The following METTL16 variants were observed in gnomAD, a reference collection of about 807,000 sequenced individuals.
The protein encoded by METTL16 is RNA N(6)-adenosine-methyltransferase METTL16.
A neutral mutation model predicts 57.9 loss-of-function variants in METTL16; 19 were observed. That is an observed-to-expected ratio of 0.33 (90% CI 0.23 to 0.48). METTL16 has a LOEUF of 0.48. Ranked by LOEUF, METTL16 falls within the 20% of genes least tolerant of loss-of-function variation. The pLI is 0.99. For synonymous variants in METTL16, 246 were observed against 255.6 expected, an observed-to-expected ratio of 0.96 and a Z score of 0.36; for missense variants, 434 against 691.5, an observed-to-expected ratio of 0.63 and a Z score of 4.18.
At chr17:2,458,910 G>A (rs1311080715) in intron 6 of METTL16, among the ~76,000 whole-genome samples, 4 of 151,720 alleles carry the variant, frequency 2.6e-5, no homozygotes, top group African/African-American at 4.8e-5. Flanking sequence ...GGGCTCAAGC[G>A]ATCCTCCTAC....
At chr17:2,433,232 G>A (rs1286687324) in intron 8 of METTL16, among the ~76,000 whole-genome samples, 1 of 152,236 alleles carries the variant, frequency 6.6e-6, no homozygotes, top group African/African-American at 2.4e-5. Context: ...AACAGGGTAT[G>A]AGCAAAGGCT....
intron 3 of METTL16, among the ~76,000 whole-genome samples, chr17:2,476,314 T>C (rs1011448522): frequency 6.6e-6 from 1 of 152,206 alleles, no homozygotes; most frequent in African/African-American, 2.4e-5. Context: ...ATATGTGATT[T>C]ATTTGCATGG....
chr17:2,447,887 C>T (rs1176096744), intron 6 of METTL16, among the ~76,000 whole-genome samples: 1 of 89,044 alleles, frequency 1.1e-5, no homozygotes, highest in Non-Finnish European at 2.0e-5. Context: ...GCCGCCCCGT[C>T]CGGGAGGGAG....
intron 6 of METTL16, among the ~76,000 whole-genome samples, chr17:2,458,420 A>G (rs901192836): frequency 3.8e-5 from 4 of 106,544 alleles, no homozygotes; most frequent in African/African-American, 2.7e-4. Flanking sequence ...AAAAAAAAAA[A>G]AAATTCAGGG....
chr17:2,439,604 T>G (rs1408959830), intron 7 of METTL16, among the ~76,000 whole-genome samples: 1 of 151,918 alleles, frequency 6.6e-6, no homozygotes, highest in Non-Finnish European at 1.5e-5. Flanking sequence ...AAGGAGTGAG[T>G]TGAACTTGTC....
intron 6 of METTL16, among the ~76,000 whole-genome samples, chr17:2,457,204 G>C (rs1247278548): frequency 1.3e-5 from 2 of 151,394 alleles, no homozygotes; most frequent in Non-Finnish European, 2.9e-5. Context: ...TGGGCGTGGT[G>C]ACGGGCGCCT....
intron 2 of METTL16, among the ~76,000 whole-genome samples, chr17:2,497,790 G>C (rs757035334): frequency 1.3e-5 from 2 of 151,476 alleles, no homozygotes; most frequent in Non-Finnish European, 2.9e-5. Context: ...GCAGTGGCGC[G>C]ATCATGGTTC....
chr17:2,431,995 A>G (rs534236072), intron 8 of METTL16, among the ~76,000 whole-genome samples: 1 of 151,542 alleles, frequency 6.6e-6, no homozygotes, highest in Non-Finnish European at 1.5e-5. Flanking sequence ...CCCAGGCTGG[A>G]GTGCAGTGGC....
intron 8 of METTL16, among the ~76,000 whole-genome samples, chr17:2,426,748 A>T (rs1323911528): frequency 5.3e-5 from 8 of 151,490 alleles, no homozygotes; most frequent in African/African-American, 1.9e-4. Context: ...AAAAAAAAAA[A>T]AAAAGTAAAA....
chr17:2,448,757 TAAAA>T (rs1163249734), intron 6 of METTL16, among the ~76,000 whole-genome samples: 8 of 32,848 alleles, frequency 2.4e-4, no homozygotes, highest in African/African-American at 8.5e-4. Flanking sequence ...AAAAATAAAA[TAAAA>T]AAAATAAAAA....
At chr17:2,477,399 A>T (rs993086438) in intron 3 of METTL16, 10 of 291,500 alleles carry the variant, frequency 3.4e-5, no homozygotes, top group East Asian at 6.9e-5. Flanking sequence ...TTGGATTTCA[A>T]TTTTTTTTTC....
intron 8 of METTL16, among the ~76,000 whole-genome samples, chr17:2,422,482 C>T (rs1455894513): frequency 2.0e-5 from 3 of 151,932 alleles, no homozygotes; most frequent in Admixed American, 6.5e-5. Flanking sequence ...CGGTTTCAAG[C>T]GATTCTCCTG....
chr17:2,419,967 T>C lies in METTL16; in HGVS notation c.*3A>G, dbSNP rs746412680. The stretch of plus-strand genomic sequence containing the variant: ...AACACGTTTCCAACTGTGCAGGAGG[T>C]TTCTAGTTAACTGCAACAAGCCTGA... On this transcript the variant is annotated 3_prime_UTR_variant, in exon 10 of 10. Coordinates refer to ENST00000263092, the MANE Select transcript of METTL16 (RefSeq NM_024086.4). The C allele has an allele frequency of 6.2e-7, 1 of 1,613,526 alleles. No individual in the cohort carries two copies. The highest frequency in any genetic ancestry group is 1.1e-5 in the South Asian group (1 of 91,026).
chr17:2,451,004 CTA>C (rs2067064809), intron 6 of METTL16, among the ~76,000 whole-genome samples: 1 of 152,072 alleles, frequency 6.6e-6, no homozygotes, highest in African/African-American at 2.4e-5. Context: ...AGGTCAAAAA[CTA>C]TTGAAGACTG....
chr17:2,491,845 A>C lies in METTL16; in HGVS notation c.128+10359T>G, dbSNP rs1316992335. Among the ~76,000 whole-genome samples, 9 of 140,766 alleles carry C rather than the reference A, an allele frequency of 6.4e-5. No homozygotes were observed. In the East Asian group the frequency reaches 1.8e-3, roughly 29 times the overall value. The allele number at this position is 140,766 out of a possible 152,430, so 92.3% of individuals were successfully genotyped here. ...AGCCGAGATCGCGCCACTGCACTCC[A>C]GCCTGGGCGACAGAGCGAGACACCG... On this transcript the variant is annotated intron_variant, in intron 2 of 9. Transcript: ENST00000263092.
intron 2 of METTL16, among the ~76,000 whole-genome samples, chr17:2,497,187 G>C (rs1175161613): frequency 6.6e-6 from 1 of 150,900 alleles, no homozygotes; most frequent in Non-Finnish European, 1.5e-5. Context: ...TGTATTTTTA[G>C]TAGAGACGGG....
At chr17:2,430,412 CTTTTTTT>C (rs903960118) in intron 8 of METTL16, among the ~76,000 whole-genome samples, 5 of 118,498 alleles carry the variant, frequency 4.2e-5, no homozygotes, top group South Asian at 5.5e-4. Context: ...TTAGAATTCT[CTTTTTTT>C]TTTTTTTTTT....
At chr17:2,445,537 G>C (rs1216907448) in intron 6 of METTL16, among the ~76,000 whole-genome samples, 1 of 152,184 alleles carries the variant, frequency 6.6e-6, no homozygotes, top group African/African-American at 2.4e-5. Flanking sequence ...TGTAATCCCA[G>C]CACTTTGGGA....
intron 6 of METTL16, among the ~76,000 whole-genome samples, chr17:2,442,092 T>A (rs1044752541): frequency 5.3e-5 from 8 of 152,204 alleles, no homozygotes; most frequent in Non-Finnish European, 1.2e-4. Context: ...TGGACTGAAC[T>A]GATTAAAAGG....
Sources: gnomAD v4.1 joint callset for allele counts (sites outside exome capture counted in the v4.1 genomes callset) on GRCh38, gnomAD v4.1.1 for gene constraint, MANE v1.5 for transcripts, NCBI Gene and HGNC (gene_info 2026-07-23, HGNC 2026-07-21) for gene names.